The following ANKFN1 variants were observed in gnomAD, a reference collection of about 807,000 sequenced individuals.
The protein encoded by ANKFN1 is ankyrin repeat and fibronectin type III domain containing 1.
ANKFN1 carries 74 observed loss-of-function variants against 108.7 expected under a neutral mutation model. The observed-to-expected ratio is 0.68, with a 90% CI of 0.56 to 0.83. The LOEUF is 0.83. ANKFN1 is among the 40% of genes least tolerant of loss of function. The probability of loss-of-function intolerance (pLI) is 0.00; values close to 1 mark genes in which losing one functional copy is unlikely to be tolerated. For synonymous variants in ANKFN1, 547 were observed against 516.2 expected, an observed-to-expected ratio of 1.06 and a Z score of -0.81; for missense variants, 1,505 against 1,382.3, an observed-to-expected ratio of 1.09 and a Z score of -1.41.
At chr17:56,114,398 G>A (rs1326883914) in intron 4 of ANKFN1, among the ~76,000 whole-genome samples, 1 of 152,122 alleles carries the variant, frequency 6.6e-6, no homozygotes, top group Non-Finnish European at 1.5e-5. Flanking sequence ...AGTAATCAGG[G>A]AAAAACAAAA....
chr17:56,452,453 C>T (rs1365938812), intron 11 of ANKFN1, among the ~76,000 whole-genome samples: 1 of 152,202 alleles, frequency 6.6e-6, no homozygotes, highest in East Asian at 1.9e-4. Flanking sequence ...ACCTTTATCT[C>T]TCCCTCATGC....
At chr17:56,242,719 T>C (rs1042329816) in intron 3 of ANKFN1, among the ~76,000 whole-genome samples, 1 of 152,120 alleles carries the variant, frequency 6.6e-6, no homozygotes, top group Non-Finnish European at 1.5e-5. Flanking sequence ...ACCAGGATAA[T>C]GACAGCCATT....
At chr17:56,276,617 T>C (rs2144216287) in intron 3 of ANKFN1, among the ~76,000 whole-genome samples, 1 of 152,332 alleles carries the variant, frequency 6.6e-6, no homozygotes, top group South Asian at 2.1e-4. Context: ...GGTGAGCATT[T>C]TTTCATGTGT....
At chr17:56,079,165 A>T (rs921662562) in intron 4 of ANKFN1, among the ~76,000 whole-genome samples, 3 of 152,226 alleles carry the variant, frequency 2.0e-5, no homozygotes, top group African/African-American at 7.2e-5. Context: ...ACGAGGGCCA[A>T]AAGGAAAGAT....
At chr17:56,066,600 A>C (rs539055417) in intron 4 of ANKFN1, among the ~76,000 whole-genome samples, 39 of 152,336 alleles carry the variant, frequency 2.6e-4, no homozygotes, top group African/African-American at 9.4e-4. Context: ...TGAAATATGC[A>C]TAACATGACG....
intron 3 of ANKFN1, among the ~76,000 whole-genome samples, chr17:56,244,168 T>G (rs924168184): frequency 1.3e-5 from 2 of 152,174 alleles, no homozygotes; most frequent in African/African-American, 4.8e-5. Context: ...TCTACTCATA[T>G]CTTGTAAACT....
chr17:56,302,176 A>G (rs2044688440), intron 3 of ANKFN1, among the ~76,000 whole-genome samples: 1 of 152,204 alleles, frequency 6.6e-6, no homozygotes, highest in African/African-American at 2.4e-5. Flanking sequence ...TAGTTAAAAA[A>G]ACTTGTCCAA....
At chr17:56,199,107 C>G (rs891374602) in intron 1 of ANKFN1, among the ~76,000 whole-genome samples, 4 of 151,982 alleles carry the variant, frequency 2.6e-5, no homozygotes, top group African/African-American at 9.7e-5. Context: ...TATGGCATGG[C>G]CCCCATCTTT....
chr17:56,210,902 C>G (rs900191611), intron 1 of ANKFN1, among the ~76,000 whole-genome samples: 15 of 152,194 alleles, frequency 9.9e-5, no homozygotes, highest in Non-Finnish European at 1.8e-4. Context: ...CCCATCGGGT[C>G]CCTCCTATGA....
intron 18 of ANKFN1, among the ~76,000 whole-genome samples, chr17:56,486,725 T>C (rs1441512960): frequency 6.6e-6 from 1 of 152,164 alleles, no homozygotes; most frequent in African/African-American, 2.4e-5. Flanking sequence ...GGAGAGAATG[T>C]TTTTGGAAAT....
rs138651376 is a variant in ANKFN1, at chr17:56,414,613, T to C, written c.911-25714T>C. 9.4e-3 allele frequency among the ~76,000 whole-genome samples: 1,437 copies of C among 152,302 alleles called. 14 individuals are homozygous for C. Among genetic ancestry groups the C allele is most frequent in the African/African-American group, 0.032 (1,320 of 41,566 alleles). ...ACAGAGAAAGAACTGGTTCGACATA[T>C]GCAAGTCAGTTAATGTAATATATCA... is the stretch of plus-strand genomic sequence containing the variant. On this transcript the variant is annotated intron_variant, in intron 8 of 20. Transcript: ENST00000682825.
intron 3 of ANKFN1, among the ~76,000 whole-genome samples, chr17:56,257,766 A>G (rs1338248596): frequency 6.6e-6 from 1 of 152,170 alleles, no homozygotes; most frequent in African/African-American, 2.4e-5. Flanking sequence ...CTCGATCTAG[A>G]AAACAGGTTG....
chr17:56,333,215 G>A lies in ANKFN1; in HGVS notation c.188+6860G>A, dbSNP rs201370131. 2.0e-4 allele frequency among the ~76,000 whole-genome samples: 31 copies of A among 152,076 alleles called. No homozygotes were observed. In the East Asian group the frequency reaches 5.2e-3, roughly 26 times the overall value. ...GATGCCCAGTACAATAGAAAAAGTA[G>A]GAGTAGACATTTTTGCCTTGTTTCT... On this transcript the variant is annotated intron_variant, in intron 4 of 20. Coordinates refer to ENST00000682825, the MANE Select transcript of ANKFN1 (RefSeq NM_001370326.1).
rs550772205 is a variant in ANKFN1, at chr17:56,176,755, A to G, written c.-71+23225A>G. 5.9e-5 allele frequency among the ~76,000 whole-genome samples: 9 copies of G among 152,338 alleles called. No individual in the cohort carries two copies. In the East Asian group the frequency reaches 1.7e-3, roughly 29 times the overall value. On this transcript the variant is annotated intron_variant, in intron 1 of 20. Coordinates refer to ENST00000682825, the MANE Select transcript of ANKFN1 (RefSeq NM_001370326.1). ...TTTGAGGAGAGAGTAGATAATATGAAGCAAAGGACAAAGATGAAGGTAGAG... is the reference window on the plus strand; with the variant it reads ...TTTGAGGAGAGAGTAGATAATATGAGGCAAAGGACAAAGATGAAGGTAGAG...
chr17:56,375,221 A>C (rs374902247), intron 8 of ANKFN1, among the ~76,000 whole-genome samples: 2 of 152,130 alleles, frequency 1.3e-5, no homozygotes, highest in Non-Finnish European at 2.9e-5. Flanking sequence ...CCTAGGGTGG[A>C]GGTGGCATTC....
At chr17:56,111,618 C>A (rs1386987771) in intron 4 of ANKFN1, among the ~76,000 whole-genome samples, 1 of 151,164 alleles carries the variant, frequency 6.6e-6, no homozygotes, top group African/African-American at 2.4e-5. Context: ...TACAAACAAA[C>A]CCCCAAAATA....
At chr17:56,178,129 C>T (rs988894159) in intron 1 of ANKFN1, among the ~76,000 whole-genome samples, 5 of 152,054 alleles carry the variant, frequency 3.3e-5, no homozygotes, top group South Asian at 4.2e-4. Flanking sequence ...TTGAAAAGTC[C>T]TAAAAGGTTG....
intron 3 of ANKFN1, among the ~76,000 whole-genome samples, chr17:56,284,856 T>C (rs1434925527): frequency 1.3e-5 from 2 of 152,134 alleles, no homozygotes; most frequent in African/African-American, 2.4e-5. Flanking sequence ...CATTAGTTCA[T>C]TGAGCACAGC....
Position 56,381,657 on chromosome 17 carries a change from G to A in ANKFN1, c.910+6943G>A, listed in dbSNP as rs543435902. On this transcript the variant is annotated intron_variant, in intron 8 of 20. Transcript: ENST00000682825. ...GAAGAATGCAGAAGCCTCAGGAGCC[G>A]ATGCAATCAACTGGAAGAAAGGGTA... Among the ~76,000 whole-genome samples the A allele has an allele frequency of 2.0e-4, 31 of 152,138 alleles. No individual in the cohort carries two copies. In the South Asian group the frequency reaches 2.5e-3, roughly 12 times the overall value.
Sources: allele counts gnomAD v4.1 joint callset (sites outside exome capture counted in the v4.1 genomes callset), GRCh38; gene constraint gnomAD v4.1.1; transcripts MANE v1.5; gene names NCBI Gene and HGNC (gene_info 2026-07-23, HGNC 2026-07-21).